Variants in ABCA10 observed in about 807,000 individuals in gnomAD.
ABCA10 encodes ATP-binding cassette sub-family A member 10.
In ABCA10, 169 loss-of-function variants were observed where a neutral mutation model predicts 187.5. The observed-to-expected ratio is 0.90, with a 90% CI of 0.80 to 1.02. The LOEUF (loss-of-function observed/expected upper bound fraction) is 1.02, where lower values mean the gene tolerates loss of function less well. Ranked by LOEUF, ABCA10 falls within the 50% of genes least tolerant of loss-of-function variation. The probability of loss-of-function intolerance (pLI) is 0.00; values close to 1 mark genes in which losing one functional copy is unlikely to be tolerated. For missense variants in ABCA10, 1,727 were observed against 1,812.4 expected (o/e 0.95, Z 0.86); for synonymous variants, 574 against 601.8 (o/e 0.95, Z 0.68).
At chr17:69,169,743 G>C (rs973323925) in intron 25 of ABCA10, among the ~76,000 whole-genome samples, 5 of 152,080 alleles carry the variant, frequency 3.3e-5, no homozygotes, top group Admixed American at 6.6e-5. Context: ...ATGGACAAGT[G>C]GATATATAAA....
chr17:69,187,930 T>C (rs1256859701), intron 18 of ABCA10, 51 bp from the exon 19 acceptor site: 2 of 1,546,630 alleles, frequency 1.3e-6, no homozygotes, highest in Non-Finnish European at 1.8e-6. Flanking sequence ...CTGAACTTTC[T>C]CTTTAAAAAC....
chr17:69,215,514 T>G, intron 8 of ABCA10: 1 of 214,922 alleles, frequency 4.7e-6, no homozygotes, highest in Non-Finnish European at 9.0e-6. Flanking sequence ...GCTTCACTCG[T>G]TATTCATAAC....
intron 10 of ABCA10, among the ~76,000 whole-genome samples, chr17:69,198,440 G>A (rs575488753): frequency 6.6e-6 from 1 of 152,136 alleles, no homozygotes; most frequent in Non-Finnish European, 1.5e-5. Flanking sequence ...CATTATTCTC[G>A]GGTCACGTGA....
upstream of ABCA10, among the ~76,000 whole-genome samples, chr17:69,229,437 T>C (rs2074816487): frequency 6.6e-6 from 1 of 152,070 alleles, no homozygotes; most frequent in South Asian, 2.1e-4. Context: ...ATAACTTTAA[T>C]GATTTTGTTA....
At chr17:69,193,740 A>G in intron 13 of ABCA10, 74 bp downstream of exon 13, 1 of 1,570,694 alleles carries the variant, frequency 6.4e-7, no homozygotes. Flanking sequence ...GAGTAGAGTA[A>G]TAGCTGAACA....
intron 3 of ABCA10, among the ~76,000 whole-genome samples, chr17:69,224,812 T>G (rs558921973): frequency 5.9e-5 from 9 of 152,256 alleles, no homozygotes; most frequent in African/African-American, 1.9e-4. Flanking sequence ...TTTTAACTAT[T>G]TTTATACACC....
chr17:69,158,720 G>A (rs1213092292), intron 27 of ABCA10, among the ~76,000 whole-genome samples: 1 of 151,854 alleles, frequency 6.6e-6, no homozygotes, highest in Non-Finnish European at 1.5e-5. Context: ...AAATTGAGTA[G>A]GAAAATAGAA....
chr17:69,163,268 A>G (rs1320842526), intron 27 of ABCA10, among the ~76,000 whole-genome samples: 1 of 152,204 alleles, frequency 6.6e-6, no homozygotes, highest in African/African-American at 2.4e-5. Context: ...GGTGTCAAAA[A>G]GCACAGCCAC....
intron 11 of ABCA10, among the ~76,000 whole-genome samples, chr17:69,194,827 G>C (rs746930687): frequency 3.9e-5 from 6 of 152,284 alleles, no homozygotes; most frequent in Non-Finnish European, 7.4e-5. Flanking sequence ...TGCTTCCTAG[G>C]CAAAGGAAAG....
Position 69,193,479 on chromosome 17 carries a change from A to G in ABCA10, c.1641+14T>C, listed in dbSNP as rs372033537. On this transcript the variant is annotated intron_variant, in intron 14 of 38. Transcript: ENST00000690296. Reference sequence around the variant, plus strand: ...CAATCTAAATTAATTGTAAAAATATATTTTTTCTCTCACCTGAGGATCTCC... The same window carrying G: ...CAATCTAAATTAATTGTAAAAATATGTTTTTTCTCTCACCTGAGGATCTCC... The G allele has an allele frequency of 1.1e-5, 18 of 1,601,910 alleles. 1 individual carries two copies. Among genetic ancestry groups the G allele is most frequent in the Middle Eastern group, 1.7e-4 (1 of 6,012 alleles).
chr17:69,161,864 C>T (rs2074220984), intron 27 of ABCA10, among the ~76,000 whole-genome samples: 1 of 152,112 alleles, frequency 6.6e-6, no homozygotes, highest in African/African-American at 2.4e-5. Flanking sequence ...TTTATGAGGG[C>T]AATGGCCCAA....
At chr17:69,199,804 T>C (rs2074531025) in intron 10 of ABCA10, among the ~76,000 whole-genome samples, 2 of 152,206 alleles carry the variant, frequency 1.3e-5, no homozygotes, top group Admixed American at 1.3e-4. Flanking sequence ...GGAAATAATA[T>C]AATTTAGTCC....
At chr17:69,215,695 C>A in intron 8 of ABCA10, 120 bp downstream of exon 8, 1 of 986,710 alleles carries the variant, frequency 1.0e-6, no homozygotes, top group East Asian at 3.2e-5. Flanking sequence ...AGTTTCTCAA[C>A]AGCAGAATTT....
chr17:69,238,694 T>C (rs1382721334), intron 1 of ABCA10, among the ~76,000 whole-genome samples: 1 of 152,210 alleles, frequency 6.6e-6, no homozygotes, highest in Non-Finnish European at 1.5e-5. Context: ...AGTTAAAGGC[T>C]ATAGATTACT....
chr17:69,209,513 A>G (rs2074620328), intron 9 of ABCA10, among the ~76,000 whole-genome samples: 1 of 152,260 alleles, frequency 6.6e-6, no homozygotes, highest in Non-Finnish European at 1.5e-5. Context: ...AATATAAAAT[A>G]AGTCTAGAAG....
intron 22 of ABCA10, among the ~76,000 whole-genome samples, chr17:69,176,432 G>T (rs1205815324): frequency 6.6e-6 from 1 of 152,016 alleles, no homozygotes; most frequent in Non-Finnish European, 1.5e-5. Context: ...TAAAGAAAAG[G>T]AGTGCAGAAA....
chr17:69,222,605 T>C lies in ABCA10; in HGVS notation c.127A>G (p.Thr43Ala), dbSNP rs146505509. 5.1e-5 allele frequency: 81 copies of C among 1,603,692 alleles called. No homozygotes were observed. The African/African-American group carries it at 1.0e-3, about 20-fold the overall frequency. Residue 43 changes from threonine to alanine, a missense_variant, in exon 4 of 39, where the codon ACT becomes GCT. Coordinates refer to ENST00000690296, the MANE Select transcript of ABCA10 (RefSeq NM_001377321.1). ...TTAAACTTCAGGCGATATGAGAAAG[T>C]ATCACTAAATATAACTCCCACCATT... ...HEMVGVIFSD[T>A]FSYRLKFNWG...
chr17:69,170,529 A>T (rs2074290956), intron 25 of ABCA10, among the ~76,000 whole-genome samples: 1 of 152,096 alleles, frequency 6.6e-6, no homozygotes, highest in African/African-American at 2.4e-5. Flanking sequence ...GAGTAATTAA[A>T]CACTTCCTGT....
chr17:69,166,723 G>A (rs1156427656), intron 25 of ABCA10, among the ~76,000 whole-genome samples: 1 of 152,176 alleles, frequency 6.6e-6, no homozygotes, highest in Non-Finnish European at 1.5e-5. Context: ...AGAGAAAGCA[G>A]CTTCCGCCAA....
Sources: allele counts gnomAD v4.1 joint callset (sites outside exome capture counted in the v4.1 genomes callset), GRCh38; gene constraint gnomAD v4.1.1; transcripts MANE v1.5; gene names NCBI Gene and HGNC (gene_info 2026-07-23, HGNC 2026-07-21).